The following PDS5B variants were observed in gnomAD, a reference collection of about 807,000 sequenced individuals.
PDS5B encodes the protein sister chromatid cohesion protein PDS5 homolog B.
A neutral mutation model predicts 184.1 loss-of-function variants in PDS5B; 51 were observed. The ratio of observed to expected loss-of-function variants is 0.28; its 90% CI spans 0.22 to 0.35. PDS5B has a LOEUF of 0.35. Among genes scored for constraint, PDS5B ranks in the 10% least tolerant of loss-of-function variants. PDS5B has a pLI of 1.00. For synonymous variants in PDS5B, 566 were observed against 569.2 expected (o/e 0.99, Z 0.08); for missense variants, 1,180 against 1,723.3 (o/e 0.68, Z 5.58).
chr13:32,651,363 AAAATT>A (rs1265391088), intron 2 of PDS5B, among the ~76,000 whole-genome samples: 1 of 152,190 alleles, frequency 6.6e-6, no homozygotes, highest in Non-Finnish European at 1.5e-5. Context: ...ACTTAAATGG[AAAATT>A]AAATTGTCAT....
chr13:32,694,465 T>G (rs955130645), intron 14 of PDS5B, among the ~76,000 whole-genome samples, 161 bp downstream of exon 14: 2 of 151,962 alleles, frequency 1.3e-5, no homozygotes, highest in Non-Finnish European at 2.9e-5. Context: ...TTAAGAAACT[T>G]ATTAGATAGA....
intron 1 of PDS5B, among the ~76,000 whole-genome samples, chr13:32,595,450 A>T (rs1370259656): frequency 6.6e-6 from 1 of 152,220 alleles, no homozygotes; most frequent in South Asian, 2.1e-4. Context: ...AAGTTTATAT[A>T]TGTTAATGTT....
At chr13:32,716,541 C>T (rs1321787431) in intron 19 of PDS5B, among the ~76,000 whole-genome samples, 1 of 151,986 alleles carries the variant, frequency 6.6e-6, no homozygotes, top group Non-Finnish European at 1.5e-5. Flanking sequence ...GTGTCTCCAC[C>T]CGGCAGCCAC....
At chr13:32,673,578 T>C (rs1950991186) in intron 8 of PDS5B, among the ~76,000 whole-genome samples, 1 of 152,192 alleles carries the variant, frequency 6.6e-6, no homozygotes, top group Admixed American at 6.5e-5. Context: ...AGCAAGATGG[T>C]ATTTTCCTCC....
chr13:32,727,732 C>G (rs1952960397), intron 19 of PDS5B, among the ~76,000 whole-genome samples: 1 of 151,982 alleles, frequency 6.6e-6, no homozygotes, highest in South Asian at 2.1e-4. Flanking sequence ...AATTTTTATC[C>G]AAATGAATAA....
intron 1 of PDS5B, among the ~76,000 whole-genome samples, chr13:32,630,567 T>C (rs768594046): frequency 6.6e-6 from 1 of 152,202 alleles, no homozygotes; most frequent in Non-Finnish European, 1.5e-5. Context: ...GGGATTTCTT[T>C]AAAAAATCCT....
At chr13:32,626,649 AAG>A (rs1454670142) in intron 1 of PDS5B, among the ~76,000 whole-genome samples, 1 of 152,106 alleles carries the variant, frequency 6.6e-6, no homozygotes, top group Admixed American at 6.6e-5. Context: ...GCAGTGAAGA[AAG>A]AGTAAAGATG....
intron 1 of PDS5B, among the ~76,000 whole-genome samples, chr13:32,587,239 T>A (rs996172176): frequency 6.6e-6 from 1 of 151,020 alleles, no homozygotes; most frequent in African/African-American, 2.4e-5. Flanking sequence ...GAGCGTGACA[T>A]TTTTGCACTG....
chr13:32,586,528 TGCG>T lies in PDS5B; in HGVS notation c.-71_-69del, dbSNP rs537253818. The T allele has an allele frequency of 1.3e-4, 19 of 151,534 alleles. No homozygotes were observed. The highest frequency in any genetic ancestry group is 2.1e-4 in the South Asian group (1 of 4,796). 9.4% of individuals were successfully genotyped at this position (151,534 alleles called of 1,614,324 possible). A position where few individuals can be genotyped will look rare whatever the true frequency, so the allele number is the denominator to read the frequency against. ...GAGGGGGGGGGAGAAGGCGATTGGA[TGCG>T]GCGGCGGCGGCGGATCCCGGAGAGC... On this transcript the variant is annotated 5_prime_UTR_variant, in exon 1 of 35. Transcript: ENST00000315596.
chr13:32,660,037 A>T (rs1167609185), intron 6 of PDS5B, among the ~76,000 whole-genome samples: 1 of 152,170 alleles, frequency 6.6e-6, no homozygotes, highest in African/African-American at 2.4e-5. Context: ...AGAGTTCAGA[A>T]ATTCAGATAA....
Position 32,775,650 on chromosome 13 carries a change from G to T in PDS5B, c.*598G>T, listed in dbSNP as rs1468328010. The T allele has an allele frequency of 6.6e-6, 3 of 456,106 alleles. No homozygotes were observed. Among genetic ancestry groups the T allele is most frequent in the Non-Finnish European group, 1.3e-5 (3 of 226,686 alleles). 28.3% of individuals were successfully genotyped at this position (456,106 alleles called of 1,614,324 possible). On this transcript the variant is annotated 3_prime_UTR_variant, in exon 35 of 35. Coordinates refer to ENST00000315596, the MANE Select transcript of PDS5B (RefSeq NM_015032.4). ...AAATTGTCTGCCATTACACCAGAAG[G>T]ATGCCTCTGATAGGAGGACAACCAT... is the stretch of plus-strand genomic sequence containing the variant.
chr13:32,762,406 G>A (rs1019126861), intron 30 of PDS5B, among the ~76,000 whole-genome samples: 3 of 152,086 alleles, frequency 2.0e-5, no homozygotes, highest in Non-Finnish European at 4.4e-5. Context: ...ATGATATATA[G>A]TATGATAGAA....
chr13:32,717,253 G>T (rs1479672200), intron 19 of PDS5B, among the ~76,000 whole-genome samples: 1 of 151,884 alleles, frequency 6.6e-6, no homozygotes. Flanking sequence ...TAGAAAGGGG[G>T]GAAAGGTGGG....
chr13:32,669,308 G>A (rs914475298), intron 7 of PDS5B, among the ~76,000 whole-genome samples: 1 of 151,198 alleles, frequency 6.6e-6, no homozygotes, highest in Non-Finnish European at 1.5e-5. Flanking sequence ...TGGAGGGGAG[G>A]GGGGACACAT....
chr13:32,753,080 A>G (rs1016266811), intron 24 of PDS5B, among the ~76,000 whole-genome samples: 1 of 152,088 alleles, frequency 6.6e-6, no homozygotes, highest in Non-Finnish European at 1.5e-5. Context: ...ATTTATATTT[A>G]CTAGTTTTTT....
chr13:32,655,374 A>ATATATATATATTTT, intron 3 of PDS5B, among the ~76,000 whole-genome samples: 1 of 72,466 alleles, frequency 1.4e-5, no homozygotes, highest in Non-Finnish European at 2.2e-5. Context: ...ATATATATAT[A>ATATATATATATTTT]TTTTTTTTTT....
At chr13:32,650,956 T>C (rs1326365662) in intron 2 of PDS5B, among the ~76,000 whole-genome samples, 3 of 152,240 alleles carry the variant, frequency 2.0e-5, no homozygotes, top group Non-Finnish European at 4.4e-5. Flanking sequence ...GATGGTCACC[T>C]TTCCATTGGA....
intron 21 of PDS5B, among the ~76,000 whole-genome samples, chr13:32,736,105 G>A (rs1042718768): frequency 2.2e-4 from 34 of 152,092 alleles, no homozygotes; most frequent in African/African-American, 7.0e-4. Context: ...TATAGCACAA[G>A]GAACTTCAAA....
At chr13:32,620,463 C>T (rs1460472796) in intron 1 of PDS5B, among the ~76,000 whole-genome samples, 2 of 151,884 alleles carry the variant, frequency 1.3e-5, no homozygotes, top group African/African-American at 4.8e-5. Context: ...CGAGACCATC[C>T]TGTAAATGGT....
Sources: gnomAD v4.1 joint callset for allele counts (sites outside exome capture counted in the v4.1 genomes callset) on GRCh38, gnomAD v4.1.1 for gene constraint, MANE v1.5 for transcripts, NCBI Gene and HGNC (gene_info 2026-07-23, HGNC 2026-07-21) for gene names.